Variants in EEA1 observed in about 807,000 individuals in gnomAD.
EEA1 encodes the protein early endosome antigen 1, 162kD.
Under a neutral mutation model 209.2 loss-of-function variants are expected in EEA1, and 111 were observed. The ratio of observed to expected loss-of-function variants is 0.53; its 90% confidence interval spans 0.45 to 0.62. The LOEUF (loss-of-function observed/expected upper bound fraction) is 0.62. Ranked by LOEUF, EEA1 falls within the 20% of genes least tolerant of loss-of-function variation. The pLI is 0.00. For missense variants in EEA1, 1,343 were observed against 1,530.8 expected, an observed-to-expected ratio of 0.88 and a Z score of 2.05; for synonymous variants, 536 against 540.6, an observed-to-expected ratio of 0.99 and a Z score of 0.12.
At chr12:92,858,072 A>AAC (rs1355458968) in intron 3 of EEA1, 1 of 446,454 alleles carries the variant, frequency 2.2e-6, no homozygotes, top group Non-Finnish European at 4.2e-6. Context: ...CACTGCCACC[A>AAC]ACACCAACAT....
At chr12:92,828,096 G>A (rs1456455666) in intron 11 of EEA1, 35 bp from the exon 12 acceptor site, 8 of 1,467,474 alleles carry the variant, frequency 5.5e-6, no homozygotes, top group African/African-American at 2.9e-5. Context: ...ATGTACATAT[G>A]TACAAACACA....
rs1042690085 is a variant in EEA1, at chr12:92,853,011, C to T, written c.421G>A (p.Glu141Lys). ...GTTTGGGCTTCTTCTAATTGCTGTTCCAAAGACTGTAGTTCTACAAAAAAG... is the reference window on the plus strand; with the variant it reads ...GTTTGGGCTTCTTCTAATTGCTGTTTCAAAGACTGTAGTTCTACAAAAAAG... ...TDSSAELQSLEQQLEEAQTEN... is the reference protein window; with the variant it reads ...TDSSAELQSLKQQLEEAQTEN... Residue 141 changes from glutamate to lysine, a missense_variant, in exon 7 of 29, where the codon GAA becomes AAA. Physicochemically the swap from Glu to Lys is moderately conservative, Grantham distance 56. Around this residue, in one of 3 missense-constraint regions of EEA1, gnomAD observed 1,307 missense variants for 1,465.5 expected, o/e 0.89. Transcript: ENST00000322349. The T allele has an allele frequency of 6.2e-7, 1 of 1,603,856 alleles. No homozygotes were observed. Among genetic ancestry groups the T allele is most frequent in the Non-Finnish European group, 8.5e-7 (1 of 1,174,098 alleles).
chr12:92,892,750 T>G (rs1387087412), intron 1 of EEA1, among the ~76,000 whole-genome samples: 1 of 152,128 alleles, frequency 6.6e-6, no homozygotes, highest in Admixed American at 6.6e-5. Context: ...AATTTTTTTT[T>G]GAGTAGCTGG....
At chr12:92,813,182 C>A in intron 15 of EEA1, 89 bp from the exon 16 acceptor site, 1 of 758,246 alleles carries the variant, frequency 1.3e-6, no homozygotes, top group Admixed American at 2.9e-5. Context: ...ACTAAACAAA[C>A]TATTTAAAAA....
intron 18 of EEA1, 24 bp from the exon 19 acceptor site, chr12:92,802,758 T>C: frequency 6.8e-7 from 1 of 1,473,536 alleles, no homozygotes; most frequent in South Asian, 1.4e-5. Context: ...AAACAATCTT[T>C]TTAAATAACA....
At chr12:92,776,720 G>A (rs1428916365) in intron 28 of EEA1, 124 bp downstream of exon 28, 2 of 880,638 alleles carry the variant, frequency 2.3e-6, no homozygotes, top group Admixed American at 2.3e-5. Flanking sequence ...CTATGTTGTT[G>A]TTAAAGTTTA....
chr12:92,889,830 T>C (rs1489188715), intron 2 of EEA1, among the ~76,000 whole-genome samples: 1 of 152,066 alleles, frequency 6.6e-6, no homozygotes, highest in Non-Finnish European at 1.5e-5. Flanking sequence ...AGGAGAATCA[T>C]TCGAACCTGG....
chr12:92,912,868 T>C (rs527606959), intron 1 of EEA1, among the ~76,000 whole-genome samples: 1 of 152,334 alleles, frequency 6.6e-6, no homozygotes, highest in South Asian at 2.1e-4. Context: ...ACAAAAGACA[T>C]GATCTCATTC....
In EEA1 at chr12:92,798,837, T is replaced by G. The variant is rs1429327884; in HGVS notation, c.2967+55A>C. On this transcript the variant is annotated intron_variant, in intron 21 of 28. Transcript: ENST00000322349. ...TCCATCTGTATTAATCATCATACTA[T>G]TTTCTTAATTGCCAAGTTTTTCTTC... 4.4e-6 allele frequency: 6 copies of G among 1,370,580 alleles called. No individual in the cohort carries two copies. The African/African-American group carries it at 8.8e-5, about 20-fold the overall frequency. The allele number at this position is 1,370,580 out of a possible 1,614,324, so 84.9% of individuals were successfully genotyped here. A position where few individuals can be genotyped will look rare whatever the true frequency, so the allele number is the denominator to read the frequency against.
intron 1 of EEA1, among the ~76,000 whole-genome samples, chr12:92,906,098 T>C (rs551600402): frequency 2.1e-4 from 32 of 150,640 alleles, no homozygotes; most frequent in East Asian, 5.8e-4. Context: ...CTTTTCTTTT[T>C]TTTTTTTTTC....
chr12:92,785,338 A>G (rs1874084277), intron 22 of EEA1, among the ~76,000 whole-genome samples: 2 of 152,106 alleles, frequency 1.3e-5, no homozygotes, highest in African/African-American at 4.8e-5. Context: ...GTGTCTAGGT[A>G]TATACACTGT....
intron 18 of EEA1, among the ~76,000 whole-genome samples, chr12:92,804,571 C>CAAAAA (rs1195692496): frequency 4.2e-5 from 2 of 47,710 alleles, no homozygotes; most frequent in African/African-American, 1.4e-4. Context: ...GACTCTGTCT[C>CAAAAA]AAAAAAAAAA....
chr12:92,823,461 C>G (rs573791784), intron 13 of EEA1, among the ~76,000 whole-genome samples: 10 of 152,244 alleles, frequency 6.6e-5, no homozygotes, highest in Middle Eastern at 3.4e-3. Flanking sequence ...TCTTTGCACC[C>G]CAGAAATATC....
intron 2 of EEA1, among the ~76,000 whole-genome samples, chr12:92,879,563 G>A (rs1164773328): frequency 6.6e-6 from 1 of 151,150 alleles, no homozygotes; most frequent in African/African-American, 2.4e-5. Context: ...AAAGAAGGGA[G>A]AGAGGGAGGG....
chr12:92,910,144 A>AAAAT (rs1300326270), intron 1 of EEA1, among the ~76,000 whole-genome samples: 12 of 124,668 alleles, frequency 9.6e-5, no homozygotes, highest in Non-Finnish European at 1.8e-4. Flanking sequence ...TTCCATCTCA[A>AAAAT]AAATAAATAA....
rs1881330333 is a variant in EEA1, at chr12:92,929,119, G to A, written c.-53C>T. The stretch of plus-strand genomic sequence containing the variant: ...GGTGACTCTCCAGACCCTGCGCGGG[G>A]CCACTCACTACTCGGGGTGCGCGGG... On this transcript the variant is annotated 5_prime_UTR_variant, in exon 1 of 29. Coordinates refer to ENST00000322349, the MANE Select transcript of EEA1 (RefSeq NM_003566.4). The A allele has an allele frequency of 1.3e-6, 2 of 1,545,026 alleles. No homozygotes were observed. The highest frequency in any genetic ancestry group is 1.8e-6 in the Non-Finnish European group (2 of 1,142,034).
chr12:92,776,138 A>C lies in EEA1; in HGVS notation c.4114-5T>G. 1 of 1,598,994 alleles carries C rather than the reference A, an allele frequency of 6.3e-7. No homozygotes were observed. The highest frequency in any genetic ancestry group is 8.5e-7 in the Non-Finnish European group (1 of 1,172,686). On this transcript the variant is annotated splice_polypyrimidine_tract_variant and splice_region_variant and intron_variant, in intron 28 of 28. Coordinates refer to ENST00000322349, the MANE Select transcript of EEA1 (RefSeq NM_003566.4). ...TCCACACTGTCGGCAGTGATGCTGT[A>C]AATGACAAAAATTAAACAATTTCAA...
intron 19 of EEA1, among the ~76,000 whole-genome samples, chr12:92,802,126 T>C (rs1874945095): frequency 6.6e-6 from 1 of 152,034 alleles, no homozygotes; most frequent in Non-Finnish European, 1.5e-5. Flanking sequence ...ATGTTTTCTC[T>C]AAACAGAAAA....
At chr12:92,859,647 C>T (rs1878042957) in intron 3 of EEA1, among the ~76,000 whole-genome samples, 1 of 152,204 alleles carries the variant, frequency 6.6e-6, no homozygotes, top group Non-Finnish European at 1.5e-5. Context: ...CTAGAAACAA[C>T]ACTGTAGTAA....
Sources: allele counts gnomAD v4.1 joint callset (sites outside exome capture counted in the v4.1 genomes callset), GRCh38; gene constraint gnomAD v4.1.1; regional missense constraint gnomAD v4.1.1; transcripts MANE v1.5; gene names NCBI Gene and HGNC (gene_info 2026-07-23, HGNC 2026-07-21).